FHIT: variants seen among roughly 807,000 people sequenced by gnomAD.
FHIT encodes fragile histidine triad diadenosine triphosphatase.
FHIT carries 19 observed loss-of-function variants against 17.9 expected under a neutral mutation model. The observed-to-expected ratio is 1.06, with a 90% confidence interval of 0.74 to 1.56. FHIT has a LOEUF of 1.56. FHIT is among the 40% of genes most tolerant of loss of function. The pLI is 0.00. For missense variants in FHIT, 248 were observed against 189.2 expected (o/e 1.31, Z -1.82); for synonymous variants, 81 against 69.7 (o/e 1.16, Z -0.81).
chr3:60,826,281 G>T (rs1439182985), intron 3 of FHIT, among the ~76,000 whole-genome samples: 1 of 151,716 alleles, frequency 6.6e-6, no homozygotes, highest in Non-Finnish European at 1.5e-5. Flanking sequence ...GATGGGGATA[G>T]ATGAGGTTAG....
intron 5 of FHIT, among the ~76,000 whole-genome samples, chr3:60,033,097 G>A (rs1294809638): frequency 6.6e-6 from 1 of 152,196 alleles, no homozygotes; most frequent in African/African-American, 2.4e-5. Flanking sequence ...AATATAAGGT[G>A]TGGATCTTTT....
intron 4 of FHIT, among the ~76,000 whole-genome samples, chr3:60,741,622 C>A (rs1207082580): frequency 6.6e-6 from 1 of 152,212 alleles, no homozygotes; most frequent in African/African-American, 2.4e-5. Context: ...CCAGGCACTT[C>A]AAGTCCAGTT....
chr3:60,139,445 T>C (rs554540458), intron 5 of FHIT, among the ~76,000 whole-genome samples: 1 of 152,244 alleles, frequency 6.6e-6, no homozygotes, highest in East Asian at 1.9e-4. Context: ...AGGATATAGC[T>C]GGAGAGGCAA....
intron 5 of FHIT, among the ~76,000 whole-genome samples, chr3:60,272,996 C>G (rs1326178561): frequency 6.6e-6 from 1 of 152,172 alleles, no homozygotes; most frequent in African/African-American, 2.4e-5. Context: ...AGGTAGCTAA[C>G]CTGCTCACTG....
At chr3:61,130,516 G>A (rs1256880495) in intron 2 of FHIT, among the ~76,000 whole-genome samples, 1 of 152,168 alleles carries the variant, frequency 6.6e-6, no homozygotes, top group African/African-American at 2.4e-5. Flanking sequence ...ATTGTTCACA[G>A]AAATTGGGGA....
intron 4 of FHIT, among the ~76,000 whole-genome samples, chr3:60,543,453 C>T (rs1428923652): frequency 6.6e-6 from 1 of 152,138 alleles, no homozygotes; most frequent in Non-Finnish European, 1.5e-5. Flanking sequence ...TCAAAATATT[C>T]AACGAAGCCA....
chr3:61,167,389 C>T (rs975652189), intron 2 of FHIT, among the ~76,000 whole-genome samples: 1 of 151,560 alleles, frequency 6.6e-6, no homozygotes, highest in African/African-American at 2.4e-5. Context: ...GTAATCCCAA[C>T]ACTTAGGGAG....
intron 3 of FHIT, among the ~76,000 whole-genome samples, chr3:60,952,974 T>C (rs1391913984): frequency 6.6e-6 from 1 of 152,156 alleles, no homozygotes; most frequent in Non-Finnish European, 1.5e-5. Flanking sequence ...TGTGTGCTTT[T>C]CTCCCATTAA....
intron 8 of FHIT, among the ~76,000 whole-genome samples, chr3:59,785,630 T>C (rs1702815888): frequency 6.6e-6 from 1 of 152,156 alleles, no homozygotes; most frequent in African/African-American, 2.4e-5. Context: ...CATCTTTCCT[T>C]TTTCAGTGCA....
intron 7 of FHIT, among the ~76,000 whole-genome samples, chr3:59,966,445 G>C (rs1326169707): frequency 2.6e-5 from 4 of 152,156 alleles, no homozygotes; most frequent in Admixed American, 2.6e-4. Context: ...TACATGCTGA[G>C]AAGTATACTA....
intron 5 of FHIT, among the ~76,000 whole-genome samples, chr3:60,388,373 G>T (rs1167818437): frequency 2.0e-5 from 3 of 152,130 alleles, no homozygotes; most frequent in Non-Finnish European, 4.4e-5. Context: ...GCTGAGGCAG[G>T]CAGACTGCTT....
chr3:61,236,326 CCT>C (rs1479675940), intron 1 of FHIT, among the ~76,000 whole-genome samples: 1 of 150,124 alleles, frequency 6.7e-6, no homozygotes, highest in African/African-American at 2.4e-5. Context: ...TTATTCAATC[CCT>C]GTGACCTGCC....
At chr3:59,890,191 G>A (rs895289265) in intron 8 of FHIT, among the ~76,000 whole-genome samples, 8 of 152,138 alleles carry the variant, frequency 5.3e-5, no homozygotes, top group African/African-American at 1.9e-4. Flanking sequence ...AGAGGATAAA[G>A]CCTGCAGGGC....
chr3:60,059,604 T>C (rs1702220489), intron 5 of FHIT, among the ~76,000 whole-genome samples: 1 of 152,196 alleles, frequency 6.6e-6, no homozygotes, highest in Non-Finnish European at 1.5e-5. Flanking sequence ...TGTCTCAGTC[T>C]CTTTTCCTGC....
At chr3:60,063,957 T>A (rs539199631) in intron 5 of FHIT, among the ~76,000 whole-genome samples, 35 of 152,304 alleles carry the variant, frequency 2.3e-4, no homozygotes, top group Admixed American at 5.9e-4. Context: ...ACAAGCTAAG[T>A]GTGAAGAATG....
intron 4 of FHIT, among the ~76,000 whole-genome samples, chr3:60,543,359 A>G (rs1340417760): frequency 6.6e-6 from 1 of 151,976 alleles, no homozygotes; most frequent in African/African-American, 2.4e-5. Flanking sequence ...TTTAGCCTCC[A>G]CTCTGCCCCT....
chr3:60,151,458 A>G (rs1424230891), intron 5 of FHIT, among the ~76,000 whole-genome samples: 1 of 152,140 alleles, frequency 6.6e-6, no homozygotes, highest in Non-Finnish European at 1.5e-5. Context: ...TGTATTCTTC[A>G]AAGAACCAGT....
intron 5 of FHIT, among the ~76,000 whole-genome samples, chr3:60,237,537 T>C (rs1373945178): frequency 6.6e-6 from 1 of 152,192 alleles, no homozygotes; most frequent in Non-Finnish European, 1.5e-5. Context: ...TCTTGTTTAA[T>C]CCTCTTAGAA....
At chr3:60,454,619 C>T (rs1431514147) in intron 5 of FHIT, among the ~76,000 whole-genome samples, 4 of 151,990 alleles carry the variant, frequency 2.6e-5, no homozygotes, top group African/African-American at 9.7e-5. Flanking sequence ...CTCCTGACCT[C>T]GTGATCCACT....
Sources: allele counts gnomAD v4.1 joint callset (sites outside exome capture counted in the v4.1 genomes callset), GRCh38; gene constraint gnomAD v4.1.1; transcripts MANE v1.5; gene names NCBI Gene and HGNC (gene_info 2026-07-23, HGNC 2026-07-21).